RASSF8: variants seen among roughly 807,000 people sequenced by gnomAD.
The protein encoded by RASSF8 is ras association domain-containing protein 8.
Under a neutral mutation model 48.5 loss-of-function variants are expected in RASSF8, and 22 were observed. The ratio of observed to expected loss-of-function variants is 0.45; its 90% confidence interval spans 0.32 to 0.65. The LOEUF is 0.65. Ranked by LOEUF, RASSF8 falls within the 30% of genes least tolerant of loss-of-function variation. RASSF8 has a pLI of 0.03. For synonymous variants in RASSF8, 127 were observed against 171.5 expected (o/e 0.74, Z 2.03); for missense variants, 418 against 489.2 (o/e 0.85, Z 1.37).
intron 1 of RASSF8, among the ~76,000 whole-genome samples, chr12:25,994,288 AAAAAT>A (rs1373794469): frequency 1.3e-5 from 2 of 152,146 alleles, no homozygotes; most frequent in East Asian, 1.9e-4. Context: ...TAAAAAAAAA[AAAAAT>A]GGTTGATGGA....
intron 2 of RASSF8, among the ~76,000 whole-genome samples, chr12:26,018,565 C>A (rs893933129): frequency 6.6e-6 from 1 of 152,086 alleles, no homozygotes; most frequent in Non-Finnish European, 1.5e-5. Flanking sequence ...TGTCAGGAAA[C>A]AACACTTACA....
intron 1 of RASSF8, among the ~76,000 whole-genome samples, chr12:25,994,385 CAT>C (rs1483797891): frequency 1.1e-4 from 16 of 152,260 alleles, no homozygotes; most frequent in Admixed American, 1.0e-3. Flanking sequence ...ATGTGGCAGA[CAT>C]ATGAATTGCG....
chr12:26,079,038 A>G, exon 6 of RASSF8: 1 of 1,546,678 alleles, frequency 6.5e-7, no homozygotes, highest in Non-Finnish European at 8.7e-7. Context: ...TCTAGGGATC[A>G]TCATTCTTTC....
rs763983582 is a variant in RASSF8 at position 26,064,788 on chromosome 12, T to G, written c.394T>G (p.Phe132Val). ...RREPKRKSLTFTGGAKGLMDI... is the reference protein window; with the variant it reads ...RREPKRKSLTVTGGAKGLMDI... ...GGAACCGAAAAGGAAATCACTGACATTTACAGGAGGTGCCAAAGGATTAAT... is the reference window on the plus strand; with the variant it reads ...GGAACCGAAAAGGAAATCACTGACAGTTACAGGAGGTGCCAAAGGATTAAT... Residue 132 changes from phenylalanine to valine, a missense_variant, in exon 4 of 6, where the codon TTT becomes GTT. Transcript: ENST00000689635. 6.2e-6 allele frequency: 10 copies of G among 1,614,004 alleles called. No individual in the cohort carries two copies. Among genetic ancestry groups the G allele is most frequent in the Non-Finnish European group, 8.5e-6 (10 of 1,180,038 alleles).
chr12:26,030,693 T>A (rs989461378), intron 2 of RASSF8, among the ~76,000 whole-genome samples: 1 of 152,212 alleles, frequency 6.6e-6, no homozygotes, highest in Non-Finnish European at 1.5e-5. Flanking sequence ...TTATCTTTTT[T>A]TTTTTTCCTA....
chr12:26,046,180 A>G (rs974965041), intron 2 of RASSF8, among the ~76,000 whole-genome samples: 3 of 152,224 alleles, frequency 2.0e-5, no homozygotes, highest in South Asian at 2.1e-4. Flanking sequence ...TGTGGCAACA[A>G]TTGACTAAAT....
chr12:25,964,200 T>G (rs1305385979), intron 1 of RASSF8, among the ~76,000 whole-genome samples: 1 of 152,196 alleles, frequency 6.6e-6, no homozygotes, highest in Admixed American at 6.5e-5. Context: ...CTTGAACAAG[T>G]TGCCTTGAGC....
At chr12:25,961,886 C>T (rs1941244010) in intron 1 of RASSF8, among the ~76,000 whole-genome samples, 1 of 152,056 alleles carries the variant, frequency 6.6e-6, no homozygotes, top group South Asian at 2.1e-4. Context: ...TCATAAAGTC[C>T]TGCTGTCCAT....
intron 2 of RASSF8, among the ~76,000 whole-genome samples, chr12:26,019,154 C>T (rs1942724943): frequency 6.6e-6 from 1 of 152,132 alleles, no homozygotes; most frequent in Non-Finnish European, 1.5e-5. Context: ...ATGAGCAGTA[C>T]AGAGTATACT....
intron 3 of RASSF8, among the ~76,000 whole-genome samples, chr12:26,057,967 G>T (rs1943646711): frequency 6.6e-6 from 1 of 152,124 alleles, no homozygotes; most frequent in Non-Finnish European, 1.5e-5. Context: ...CCACTTTTAT[G>T]GGGTTGTTTG....
chr12:26,001,710 G>A (rs1194851541), intron 2 of RASSF8, among the ~76,000 whole-genome samples: 1 of 151,824 alleles, frequency 6.6e-6, no homozygotes, highest in Admixed American at 6.6e-5. Flanking sequence ...ACATAGAGCT[G>A]TCATCTCCTA....
intron 5 of RASSF8, among the ~76,000 whole-genome samples, chr12:26,077,912 C>T (rs1042990859): frequency 7.2e-5 from 11 of 152,282 alleles, no homozygotes; most frequent in Middle Eastern, 3.4e-3. Flanking sequence ...AAATACTTAT[C>T]TCTAAAACCT....
intron 2 of RASSF8, among the ~76,000 whole-genome samples, chr12:26,012,799 G>T (rs1172985587): frequency 3.3e-5 from 5 of 151,232 alleles, no homozygotes; most frequent in Non-Finnish European, 5.9e-5. Context: ...TCCTGTCTCA[G>T]CCTTCCATGT....
chr12:26,020,486 C>A (rs1942762093), intron 2 of RASSF8: 2 of 152,178 alleles, frequency 1.3e-5, no homozygotes, highest in South Asian at 2.1e-4. Context: ...ATAAAATAAA[C>A]CAACCATAAG....
rs139561847 is a variant in RASSF8, at chr12:26,050,589, C to T, written c.-108-4647C>T. Among the ~76,000 whole-genome samples the T allele has an allele frequency of 6.1e-3, 925 of 152,242 alleles. 6 individuals carry two copies. Among genetic ancestry groups the T allele is most frequent in the African/African-American group, 0.021 (872 of 41,550 alleles). On this transcript the variant is annotated intron_variant, in intron 2 of 5. Coordinates refer to ENST00000689635, the MANE Select transcript of RASSF8 (RefSeq NM_001394098.1). ...ATCAACATTGTCTCAAACAAAATGA[C>T]TTATTCCAGAAAGTATATTTTAATA...
At chr12:25,976,764 G>T (rs185904940) in intron 1 of RASSF8, among the ~76,000 whole-genome samples, 35 of 152,102 alleles carry the variant, frequency 2.3e-4, no homozygotes, top group Admixed American at 6.5e-4. Context: ...AAAATGCCAA[G>T]AACCTGGACA....
Position 26,064,509 on chromosome 12 carries a change from A to G in RASSF8, c.115A>G (p.Arg39Gly). ...CCTTTTTTACATAGGTCGAACTGGA[A>G]GGTACACCCTTATAGAGAAATGGAG... ...ALAQAIGRTG[R>G]YTLIEKWRDT... Residue 39 changes from arginine to glycine, a missense_variant, in exon 4 of 6, where the codon AGG (arginine) becomes GGG (glycine). Physicochemically the swap from Arg to Gly is moderately radical, Grantham distance 125. Transcript: ENST00000689635. The G allele has an allele frequency of 1.3e-6, 2 of 1,554,878 alleles. No individual in the cohort carries two copies. The highest frequency in any genetic ancestry group is 1.7e-6 in the Non-Finnish European group (2 of 1,149,038).
At position 26,070,309 on chromosome 12, in the gene RASSF8, T is replaced by C. The variant is rs2137335436; in HGVS notation, c.*1491T>C. 4 of 985,436 alleles carry C rather than the reference T, an allele frequency of 4.1e-6. No homozygotes were observed. In the East Asian group the frequency reaches 3.4e-4, roughly 84 times the overall value. 61.0% of individuals were successfully genotyped at this position (985,436 alleles called of 1,614,324 possible). ...ACACATTTGACTGACTTTGGTTTAGTGAATGCTGACAATGCTGCTCTACTT... is the reference window on the plus strand; with the variant it reads ...ACACATTTGACTGACTTTGGTTTAGCGAATGCTGACAATGCTGCTCTACTT... On this transcript the variant is annotated 3_prime_UTR_variant, in exon 6 of 6. Transcript: ENST00000689635.
intron 2 of RASSF8, among the ~76,000 whole-genome samples, chr12:26,000,948 G>C (rs2643933): frequency 0.38 from 54,982 of 146,606 alleles, 10,919 homozygotes; most frequent in Non-Finnish European, 0.45. Flanking sequence ...TGTAAACACT[G>C]TGTACTTAAG....
Sources: gnomAD v4.1 joint callset for allele counts (sites outside exome capture counted in the v4.1 genomes callset) on GRCh38, gnomAD v4.1.1 for gene constraint, MANE v1.5 for transcripts, NCBI Gene and HGNC (gene_info 2026-07-23, HGNC 2026-07-21) for gene names.